The following LHFPL3 variants were observed in gnomAD, a reference collection of about 807,000 sequenced individuals.
LHFPL3 encodes LHFPL tetraspan subfamily member 3 protein.
LHFPL3 carries 5 observed loss-of-function variants against 19.3 expected under a neutral mutation model. That is an observed-to-expected ratio of 0.26 (90% CI 0.14 to 0.54). The LOEUF (loss-of-function observed/expected upper bound fraction) is 0.54, where lower values mean the gene tolerates loss of function less well. LHFPL3 is among the 20% of genes least tolerant of loss of function. The pLI, the probability that LHFPL3 is intolerant of heterozygous loss-of-function variation, is 0.94. For synonymous variants in LHFPL3, 133 were observed against 126.2 expected (o/e 1.05, Z -0.36); for missense variants, 249 against 307.4 (o/e 0.81, Z 1.42).
At chr7:104,672,811 AC>A (rs1792510875) in intron 1 of LHFPL3, among the ~76,000 whole-genome samples, 1 of 147,632 alleles carries the variant, frequency 6.8e-6, no homozygotes, top group Non-Finnish European at 1.5e-5. Flanking sequence ...TCTACCTTCC[AC>A]CCCCGCCATT....
At chr7:104,787,507 A>T (rs893366028) in intron 2 of LHFPL3, among the ~76,000 whole-genome samples, 1 of 152,174 alleles carries the variant, frequency 6.6e-6, no homozygotes, top group Non-Finnish European at 1.5e-5. Flanking sequence ...CATAGATGGC[A>T]TTCTTCTCCT....
intron 1 of LHFPL3, among the ~76,000 whole-genome samples, chr7:104,569,257 T>C (rs1297002434): frequency 6.6e-6 from 1 of 152,200 alleles, no homozygotes; most frequent in Non-Finnish European, 1.5e-5. Context: ...TATTTGTTTT[T>C]ATGACTGTGT....
At chr7:104,432,213 T>G (rs1453774328) in intron 1 of LHFPL3, among the ~76,000 whole-genome samples, 3 of 152,166 alleles carry the variant, frequency 2.0e-5, no homozygotes, top group African/African-American at 7.2e-5. Context: ...GTTTCTCCAT[T>G]TTTATGTCAG....
chr7:104,747,449 C>T (rs577925069), intron 2 of LHFPL3, among the ~76,000 whole-genome samples: 106 of 152,290 alleles, frequency 7.0e-4, no homozygotes, highest in African/African-American at 2.3e-3. Context: ...GTAGAAAATA[C>T]GATCACTTTA....
intron 1 of LHFPL3, among the ~76,000 whole-genome samples, chr7:104,656,533 C>A (rs540891170): frequency 1.3e-5 from 2 of 152,178 alleles, no homozygotes; most frequent in Non-Finnish European, 2.9e-5. Context: ...TGATATATGA[C>A]CCTGAGTAAG....
At chr7:104,755,601 C>CAG (rs67221966) in intron 2 of LHFPL3, among the ~76,000 whole-genome samples, 8 of 151,718 alleles carry the variant, frequency 5.3e-5, no homozygotes, top group African/African-American at 9.7e-5. Context: ...CACACACACA[C>CAG]AGAGAGAAAC....
At chr7:104,602,740 T>C (rs1317067689) in intron 1 of LHFPL3, among the ~76,000 whole-genome samples, 3 of 152,202 alleles carry the variant, frequency 2.0e-5, no homozygotes. Flanking sequence ...GGGTAATGTA[T>C]CTTAAACAGA....
chr7:104,585,056 C>A (rs1377338328), intron 1 of LHFPL3, among the ~76,000 whole-genome samples: 1 of 152,142 alleles, frequency 6.6e-6, no homozygotes, highest in East Asian at 1.9e-4. Context: ...TTGTGGCCCT[C>A]TGCCATGATT....
At chr7:104,608,208 GC>G (rs1242407422) in intron 1 of LHFPL3, among the ~76,000 whole-genome samples, 2 of 152,004 alleles carry the variant, frequency 1.3e-5, no homozygotes, top group Non-Finnish European at 2.9e-5. Context: ...TATGTTTATT[GC>G]AGCACTATTC....
At chr7:104,496,149 G>A (rs1244960567) in intron 1 of LHFPL3, among the ~76,000 whole-genome samples, 2 of 152,044 alleles carry the variant, frequency 1.3e-5, no homozygotes, top group African/African-American at 4.8e-5. Flanking sequence ...TCCCCAGTGT[G>A]TGATGTTCCC....
intron 1 of LHFPL3, among the ~76,000 whole-genome samples, chr7:104,694,457 T>C (rs1258075274): frequency 1.3e-5 from 2 of 152,248 alleles, no homozygotes; most frequent in Non-Finnish European, 2.9e-5. Context: ...GAAAGCACTA[T>C]GGCAATTACA....
chr7:104,800,511 C>T (rs1210840470), intron 2 of LHFPL3, among the ~76,000 whole-genome samples: 2 of 152,198 alleles, frequency 1.3e-5, no homozygotes, highest in East Asian at 3.8e-4. Flanking sequence ...CACCCACAAC[C>T]AGTAACTCTG....
intron 1 of LHFPL3, among the ~76,000 whole-genome samples, chr7:104,563,317 T>G (rs1197404087): frequency 6.6e-6 from 1 of 152,292 alleles, no homozygotes; most frequent in East Asian, 1.9e-4. Context: ...CAGACTGCTG[T>G]GCTAGCAATC....
chr7:104,603,344 T>C (rs1192345320), intron 1 of LHFPL3, among the ~76,000 whole-genome samples: 1 of 151,976 alleles, frequency 6.6e-6, no homozygotes, highest in African/African-American at 2.4e-5. Context: ...TACAGGTGCA[T>C]GCCAGCAAAC....
At chr7:104,783,961 C>T (rs1322041388) in intron 2 of LHFPL3, among the ~76,000 whole-genome samples, 1 of 152,166 alleles carries the variant, frequency 6.6e-6, no homozygotes, top group Non-Finnish European at 1.5e-5. Flanking sequence ...GCAAACTATT[C>T]ATTAATTCTG....
intron 1 of LHFPL3, among the ~76,000 whole-genome samples, chr7:104,462,865 G>T (rs1211654643): frequency 1.3e-5 from 2 of 152,056 alleles, no homozygotes; most frequent in African/African-American, 4.8e-5. Context: ...ACTCCATGTG[G>T]TCCTGGGGTT....
chr7:104,530,314 C>G (rs920429381), intron 1 of LHFPL3, among the ~76,000 whole-genome samples: 3 of 152,166 alleles, frequency 2.0e-5, no homozygotes, highest in Non-Finnish European at 4.4e-5. Flanking sequence ...GCTGAAATCA[C>G]TTTGTGCTGG....
At chr7:104,876,912 G>A (rs1791955529) in intron 2 of LHFPL3, among the ~76,000 whole-genome samples, 1 of 152,320 alleles carries the variant, frequency 6.6e-6, no homozygotes, top group African/African-American at 2.4e-5. Flanking sequence ...TTAAGAAAAT[G>A]TGGCACATAT....
chr7:104,579,321 C>T (rs1790407805), intron 1 of LHFPL3, among the ~76,000 whole-genome samples: 1 of 152,170 alleles, frequency 6.6e-6, no homozygotes, highest in Admixed American at 6.5e-5. Flanking sequence ...CCTCCCTCCT[C>T]TCTTTTGGAA....
Sources: allele counts gnomAD v4.1 joint callset (sites outside exome capture counted in the v4.1 genomes callset), GRCh38; gene constraint gnomAD v4.1.1; transcripts MANE v1.5; gene names NCBI Gene and HGNC (gene_info 2026-07-23, HGNC 2026-07-21).